RASA2: variants seen among roughly 807,000 people sequenced by gnomAD.
RASA2 encodes RAS p21 protein activator 2.
In RASA2, 155 loss-of-function variants were observed where a neutral mutation model predicts 118.2. The observed-to-expected ratio is 1.31, with a 90% CI of 1.15 to 1.50. RASA2 has a LOEUF of 1.50. RASA2 is among the 40% of genes most tolerant of loss of function. RASA2 has a pLI of 0.00. For synonymous variants in RASA2, 353 were observed against 349.1 expected (o/e 1.01, Z -0.12); for missense variants, 1,016 against 1,009.6 (o/e 1.01, Z -0.09).
chr3:141,554,647 T>C (rs1402518167), intron 6 of RASA2, among the ~76,000 whole-genome samples: 1 of 152,152 alleles, frequency 6.6e-6, no homozygotes, highest in African/African-American at 2.4e-5. Flanking sequence ...CATGCATACA[T>C]ACACACCCCT....
intron 19 of RASA2, among the ~76,000 whole-genome samples, chr3:141,594,187 A>T (rs1295105398): frequency 6.6e-6 from 1 of 152,160 alleles, no homozygotes; most frequent in Non-Finnish European, 1.5e-5. Context: ...TTAACAACAG[A>T]TTGGTTCACT....
chr3:141,594,921 G>A (rs1027655468), intron 19 of RASA2, among the ~76,000 whole-genome samples: 24 of 151,800 alleles, frequency 1.6e-4, no homozygotes, highest in Non-Finnish European at 3.1e-4. Flanking sequence ...GATGCAAAAT[G>A]TATAACATTT....
At position 141,501,578 on chromosome 3, in the gene RASA2, C is replaced by T. The variant is rs148026297; in HGVS notation, c.134-10585C>T. Among the ~76,000 whole-genome samples, 424 of 152,266 alleles carry T rather than the reference C, an allele frequency of 2.8e-3. 3 individuals are homozygous for T. The highest frequency in any genetic ancestry group is 0.017 in the Middle Eastern group (5 of 294). On this transcript the variant is annotated intron_variant, in intron 1 of 23. Coordinates refer to ENST00000286364, the MANE Select transcript of RASA2 (RefSeq NM_006506.5). ...GTTAAATGCAAAGTTCATGTTGAAA[C>T]GCAGATGTCTGCCTCTGTAATGCAT...
intron 1 of RASA2, among the ~76,000 whole-genome samples, chr3:141,500,547 T>G (rs554707274): frequency 1.3e-5 from 2 of 152,364 alleles, no homozygotes; most frequent in Admixed American, 1.3e-4. Context: ...TTAGGAATAG[T>G]AGTTTTACTA....
intron 17 of RASA2, among the ~76,000 whole-genome samples, chr3:141,585,115 C>A (rs761066236): frequency 6.6e-6 from 1 of 151,830 alleles, no homozygotes; most frequent in Non-Finnish European, 1.5e-5. Context: ...TTTGGTGATT[C>A]TTAACCTATA....
rs536004610 is a variant in RASA2, at chr3:141,542,317, A to G, written c.527+1708A>G. ...TTGTGTCTGCTGTCTTTCACTTAGC[A>G]TAATGCTTTTGAGATTCATCCACAC... is the stretch of plus-strand genomic sequence containing the variant. On this transcript the variant is annotated intron_variant, in intron 5 of 23. Transcript: ENST00000286364. Among the ~76,000 whole-genome samples, 3 of 152,292 alleles carry G rather than the reference A, an allele frequency of 2.0e-5. No individual in the cohort carries two copies. In the East Asian group the frequency reaches 5.8e-4, roughly 29 times the overall value.
chr3:141,540,372 C>G (rs1444441944), intron 4 of RASA2, among the ~76,000 whole-genome samples, 161 bp from the exon 5 acceptor site: 2 of 152,048 alleles, frequency 1.3e-5, no homozygotes, highest in Non-Finnish European at 2.9e-5. Flanking sequence ...GAACTTTGAT[C>G]TCTGGTTTTG....
intron 1 of RASA2, among the ~76,000 whole-genome samples, chr3:141,505,564 A>G (rs1468993547): frequency 6.6e-6 from 1 of 152,218 alleles, no homozygotes; most frequent in East Asian, 1.9e-4. Flanking sequence ...TAGTACTGCT[A>G]CAGCATAATT....
chr3:141,539,613 A>T lies in RASA2; in HGVS notation c.451-920A>T, dbSNP rs143962220. Among the ~76,000 whole-genome samples the T allele has an allele frequency of 3.9e-5, 6 of 152,112 alleles. No homozygotes were observed. In the East Asian group the frequency reaches 1.2e-3, roughly 29 times the overall value. On this transcript the variant is annotated intron_variant, in intron 4 of 23. Transcript: ENST00000286364. ...CTCACGTCATCAGTCCCTAGACATC[A>T]CTCCCCTGAAATCTCCACATGGCAA...
intron 1 of RASA2, among the ~76,000 whole-genome samples, chr3:141,488,857 G>A (rs1447918871): frequency 6.6e-6 from 1 of 152,064 alleles, no homozygotes; most frequent in African/African-American, 2.4e-5. Context: ...GCTAGGCATT[G>A]TCTATTGGAG....
At chr3:141,568,827 G>A (rs868731085) in intron 9 of RASA2, among the ~76,000 whole-genome samples, 24 of 151,906 alleles carry the variant, frequency 1.6e-4, no homozygotes, top group Middle Eastern at 3.2e-3. Context: ...AATAAATTTT[G>A]TGGGCAATAT....
intron 17 of RASA2, among the ~76,000 whole-genome samples, chr3:141,584,668 A>G (rs993710979): frequency 4.4e-4 from 67 of 152,130 alleles, no homozygotes; most frequent in Non-Finnish European, 2.4e-4. Flanking sequence ...ACAGTGAGAA[A>G]ATATTTTAGG....
intron 5 of RASA2, among the ~76,000 whole-genome samples, chr3:141,548,086 T>C (rs2082514041): frequency 6.6e-6 from 1 of 152,176 alleles, no homozygotes; most frequent in Non-Finnish European, 1.5e-5. Flanking sequence ...TTGGGTTTGC[T>C]CATATTTTGT....
intron 5 of RASA2, among the ~76,000 whole-genome samples, chr3:141,542,858 A>G (rs1220719266): frequency 6.6e-6 from 1 of 152,178 alleles, no homozygotes; most frequent in African/African-American, 2.4e-5. Flanking sequence ...CAAGAATGTT[A>G]TGTGAATGGA....
At chr3:141,540,305 T>C in intron 4 of RASA2, among the ~76,000 whole-genome samples, 1 of 152,206 alleles carries the variant, frequency 6.6e-6, no homozygotes, top group Non-Finnish European at 1.5e-5. Flanking sequence ...GAATTGGACA[T>C]AAAATTCTTA....
chr3:141,501,232 G>C (rs1241868638), intron 1 of RASA2, among the ~76,000 whole-genome samples: 1 of 152,162 alleles, frequency 6.6e-6, no homozygotes, highest in East Asian at 1.9e-4. Flanking sequence ...GTGTTTCCAT[G>C]TATTTCCTAT....
intron 3 of RASA2, among the ~76,000 whole-genome samples, chr3:141,523,661 C>T (rs2082144870): frequency 6.6e-6 from 1 of 152,048 alleles, no homozygotes; most frequent in South Asian, 2.1e-4. Context: ...TATTCAAGAG[C>T]TCAAACAAGT....
intron 1 of RASA2, among the ~76,000 whole-genome samples, chr3:141,506,118 A>T (rs1291352120): frequency 6.6e-6 from 1 of 152,256 alleles, no homozygotes; most frequent in East Asian, 1.9e-4. Flanking sequence ...CGTAATGTAC[A>T]CTAGAAAAGT....
At chr3:141,530,523 G>A (rs1187391217) in intron 4 of RASA2, among the ~76,000 whole-genome samples, 2 of 151,830 alleles carry the variant, frequency 1.3e-5, no homozygotes, top group African/African-American at 2.4e-5. Context: ...ACCATTTCCC[G>A]AGGGCATAAT....
Sources: allele counts gnomAD v4.1 joint callset (sites outside exome capture counted in the v4.1 genomes callset), GRCh38; gene constraint gnomAD v4.1.1; transcripts MANE v1.5; gene names NCBI Gene and HGNC (gene_info 2026-07-23, HGNC 2026-07-21).